Variants in LUZP1 observed in about 807,000 individuals in gnomAD.
LUZP1 encodes the protein filamin mechanobinding actin cross-linking protein.
A neutral mutation model predicts 71.3 loss-of-function variants in LUZP1; 25 were observed. The ratio of observed to expected loss-of-function variants is 0.35; its 90% CI spans 0.26 to 0.49. The LOEUF (loss-of-function observed/expected upper bound fraction) is 0.49, where lower values mean the gene tolerates loss of function less well. LUZP1 is among the 20% of genes least tolerant of loss of function. The probability of loss-of-function intolerance (pLI) is 0.99; values close to 1 mark genes in which losing one functional copy is unlikely to be tolerated. For missense variants in LUZP1, 1,142 were observed against 1,300.8 expected (o/e 0.88, Z 1.88); for synonymous variants, 481 against 506.4 (o/e 0.95, Z 0.67).
At chr1:23,123,205 T>C (rs1401624630) in intron 2 of LUZP1, among the ~76,000 whole-genome samples, 1 of 152,046 alleles carries the variant, frequency 6.6e-6, no homozygotes, top group African/African-American at 2.4e-5. Context: ...ATAAGAATCA[T>C]TAGGCTGGCC....
intron 2 of LUZP1, among the ~76,000 whole-genome samples, chr1:23,156,717 T>C (rs572885673): frequency 3.9e-5 from 6 of 152,260 alleles, no homozygotes; most frequent in East Asian, 1.9e-4. Flanking sequence ...CTTCCAAGGA[T>C]TGGGATGACT....
At chr1:23,103,527 T>A (rs1643948420) in intron 3 of LUZP1, among the ~76,000 whole-genome samples, 1 of 151,970 alleles carries the variant, frequency 6.6e-6, no homozygotes, top group African/African-American at 2.4e-5. Flanking sequence ...TTACTCAGCT[T>A]CCGTTCAAAC....
intron 2 of LUZP1, among the ~76,000 whole-genome samples, chr1:23,112,585 C>T (rs1438718708): frequency 6.6e-6 from 1 of 152,228 alleles, no homozygotes; most frequent in African/African-American, 2.4e-5. Context: ...GACCCTCCCA[C>T]AGACAACAAC....
intron 2 of LUZP1, among the ~76,000 whole-genome samples, chr1:23,138,709 A>C (rs767970959): frequency 7.1e-6 from 1 of 141,316 alleles, no homozygotes; most frequent in East Asian, 2.1e-4. Context: ...ATATATATAT[A>C]TATATAAATG....
In LUZP1 at chr1:23,146,113, C is replaced by T. The variant is rs182298088; in HGVS notation, c.-226+22653G>A. ...TGGTGCGATCTCGGCTCACTGCAAC[C>T]TCCACCTCCTGGGTTCAAGCGATTC... On this transcript the variant is annotated intron_variant, in intron 2 of 4. Transcript: ENST00000302291. 5.9e-5 allele frequency among the ~76,000 whole-genome samples: 9 copies of T among 152,258 alleles called. 1 individual carries two copies. The East Asian group carries it at 1.7e-3, about 29-fold the overall frequency.
intron 2 of LUZP1, among the ~76,000 whole-genome samples, chr1:23,151,318 A>G (rs2124730567): frequency 6.6e-6 from 1 of 152,280 alleles, no homozygotes; most frequent in South Asian, 2.1e-4. Flanking sequence ...TGCTGGGATT[A>G]CAGACATGAG....
At chr1:23,100,854 A>G (rs924417874) in intron 3 of LUZP1, among the ~76,000 whole-genome samples, 8 of 152,248 alleles carry the variant, frequency 5.3e-5, no homozygotes, top group Non-Finnish European at 7.3e-5. Flanking sequence ...AAATAAAATC[A>G]CTTACTTCAT....
At chr1:23,090,739 C>T (rs1643839252) in intron 4 of LUZP1, 1 of 650,582 alleles carries the variant, frequency 1.5e-6, no homozygotes, top group South Asian at 1.7e-5. Context: ...GATCTGCTAA[C>T]TGAGGCGGCC....
chr1:23,165,645 C>CA (rs897776142), intron 2 of LUZP1, among the ~76,000 whole-genome samples: 18 of 148,488 alleles, frequency 1.2e-4, no homozygotes, highest in Admixed American at 6.7e-5. Flanking sequence ...CACTGCACTC[C>CA]AAAAAAAAAG....
At chr1:23,116,582 G>GT (rs1225525637) in intron 2 of LUZP1, among the ~76,000 whole-genome samples, 1 of 128,470 alleles carries the variant, frequency 7.8e-6, no homozygotes, top group Non-Finnish European at 1.6e-5. Context: ...CCACTGGACT[G>GT]TTAAAAAAAA....
chr1:23,155,456 A>G (rs1045905139), intron 2 of LUZP1, among the ~76,000 whole-genome samples: 3 of 152,214 alleles, frequency 2.0e-5, no homozygotes, highest in African/African-American at 7.2e-5. Flanking sequence ...CCGATCTCAC[A>G]TCTTAGGGAC....
chr1:23,177,195 G>A (rs914301570), intron 1 of LUZP1, among the ~76,000 whole-genome samples: 4 of 152,120 alleles, frequency 2.6e-5, no homozygotes, highest in African/African-American at 9.7e-5. Context: ...CCTGCAGAGG[G>A]CTATAATTCT....
At chr1:23,116,447 C>T (rs954403338) in intron 2 of LUZP1, among the ~76,000 whole-genome samples, 4 of 151,906 alleles carry the variant, frequency 2.6e-5, no homozygotes, top group Non-Finnish European at 5.9e-5. Context: ...CTTGAGCCCA[C>T]GTGTTCAAGG....
exon 4 of LUZP1, chr1:23,091,563 C>A: frequency 6.2e-7 from 1 of 1,614,172 alleles, no homozygotes; most frequent in Admixed American, 1.7e-5. Flanking sequence ...GCTTTTCCAC[C>A]TGATTGTCTC....
intron 2 of LUZP1, among the ~76,000 whole-genome samples, chr1:23,124,876 TTCGTTCATTCTAATGC>T (rs1249342699): frequency 9.2e-5 from 14 of 152,184 alleles, no homozygotes; most frequent in African/African-American, 3.1e-4. Flanking sequence ...CCTACAGACT[TTCGTTCATTCTAATGC>T]CCTTTCAAAC....
chr1:23,114,431 CA>C (rs1456323041), intron 2 of LUZP1, among the ~76,000 whole-genome samples: 1 of 152,130 alleles, frequency 6.6e-6, no homozygotes, highest in Non-Finnish European at 1.5e-5. Flanking sequence ...GGGGACCAAT[CA>C]GGGGGTATGG....
At chr1:23,170,465 T>A (rs956015421) in intron 1 of LUZP1, among the ~76,000 whole-genome samples, 1 of 101,726 alleles carries the variant, frequency 9.8e-6, no homozygotes, top group South Asian at 2.7e-4. Context: ...TTTCTTTCTT[T>A]TTTTTTTTTT....
intron 2 of LUZP1, among the ~76,000 whole-genome samples, chr1:23,165,853 T>G (rs143001013): frequency 2.0e-5 from 3 of 152,076 alleles, no homozygotes; most frequent in Non-Finnish European, 1.5e-5. Flanking sequence ...TAATGTTACC[T>G]TAATGATGGC....
At chr1:23,097,787 A>G (rs1442389456) in intron 3 of LUZP1, among the ~76,000 whole-genome samples, 1 of 152,198 alleles carries the variant, frequency 6.6e-6, no homozygotes, top group Non-Finnish European at 1.5e-5. Flanking sequence ...GGTTCCAGTG[A>G]GCTATGACTG....
Sources: gnomAD v4.1 joint callset for allele counts (sites outside exome capture counted in the v4.1 genomes callset) on GRCh38, gnomAD v4.1.1 for gene constraint, MANE v1.5 for transcripts, NCBI Gene and HGNC (gene_info 2026-07-23, HGNC 2026-07-21) for gene names.